CHN1: variants seen among roughly 807,000 people sequenced by gnomAD.
CHN1 encodes the protein chimerin 1.
CHN1 carries 37 observed loss-of-function variants against 59.5 expected under a neutral mutation model. That is an observed-to-expected ratio of 0.62 (90% CI 0.48 to 0.82). The LOEUF is 0.82. CHN1 is among the 40% of genes least tolerant of loss of function. The pLI, the probability that CHN1 is intolerant of heterozygous loss-of-function variation, is 0.00. For missense variants in CHN1, 469 were observed against 571.0 expected (o/e 0.82, Z 1.82); for synonymous variants, 206 against 200.4 (o/e 1.03, Z -0.24).
intron 1 of CHN1, among the ~76,000 whole-genome samples, chr2:174,969,543 T>C (rs1185133821): frequency 6.6e-6 from 1 of 152,184 alleles, no homozygotes; most frequent in African/African-American, 2.4e-5. Flanking sequence ...ATCAGACATA[T>C]AAGACACACT....
At chr2:174,968,999 T>G (rs767524137) in intron 1 of CHN1, among the ~76,000 whole-genome samples, 1 of 152,216 alleles carries the variant, frequency 6.6e-6, no homozygotes, top group South Asian at 2.1e-4. Context: ...TACTAATGTG[T>G]GATTATAGAG....
In CHN1 at chr2:174,974,877, C is replaced by T. The variant is rs1048828319; in HGVS notation, c.20-22675G>A. On this transcript the variant is annotated intron_variant, in intron 1 of 12. Transcript: ENST00000409900. ...ACTTTAAGTTCTGATTTTCTGCAAA[C>T]AGGCCATAAGAAATAATTAATACAC... Among the ~76,000 whole-genome samples, 5 of 145,052 alleles carry T rather than the reference C, an allele frequency of 3.4e-5. No individual in the cohort carries two copies. The Admixed American group carries it at 3.7e-4, about 11-fold the overall frequency.
chr2:174,821,734 A>G, intron 8 of CHN1: 1 of 463,234 alleles, frequency 2.2e-6, no homozygotes, highest in Non-Finnish European at 4.5e-6. Flanking sequence ...CTTACCAGAC[A>G]CTGAACCTGC....
At chr2:174,936,769 T>C (rs1558989042) in intron 3 of CHN1, among the ~76,000 whole-genome samples, 1 of 152,156 alleles carries the variant, frequency 6.6e-6, no homozygotes, top group Non-Finnish European at 1.5e-5. Context: ...TCACTTTACT[T>C]GCTAACTTCA....
At chr2:175,001,091 T>C (rs1430093739) in intron 1 of CHN1, among the ~76,000 whole-genome samples, 2 of 152,194 alleles carry the variant, frequency 1.3e-5, no homozygotes, top group African/African-American at 4.8e-5. Context: ...GACTAAAATA[T>C]TAAGTTTTGA....
chr2:174,866,858 A>C (rs1461081647), intron 6 of CHN1, among the ~76,000 whole-genome samples: 1 of 152,174 alleles, frequency 6.6e-6, no homozygotes, highest in Non-Finnish European at 1.5e-5. Context: ...CTATTCCAAG[A>C]AAAACAATTT....
intron 8 of CHN1, among the ~76,000 whole-genome samples, chr2:174,815,098 C>T (rs1685200989): frequency 6.6e-6 from 1 of 152,072 alleles, no homozygotes; most frequent in Non-Finnish European, 1.5e-5. Context: ...TTTTCTAAGC[C>T]AAGCATAGTG....
In CHN1 at chr2:174,955,780, AAACT is replaced by A. The variant is rs1354519228; in HGVS notation, c.20-3582_20-3579del. Among the ~76,000 whole-genome samples, 11 of 152,324 alleles carry A rather than the reference AAACT, an allele frequency of 7.2e-5. No individual in the cohort carries two copies. In the East Asian group the frequency reaches 2.1e-3, roughly 29 times the overall value. On this transcript the variant is annotated intron_variant, in intron 1 of 12. Transcript: ENST00000409900. The stretch of plus-strand genomic sequence containing the variant: ...GCAGCTGGAGGCCATTATCCTCAAC[AAACT>A]AACACAGGAACAGAAAACCAAATAC...
At chr2:174,975,964 CAA>C (rs76741492) in intron 1 of CHN1, among the ~76,000 whole-genome samples, 63 of 144,790 alleles carry the variant, frequency 4.4e-4, no homozygotes, top group Admixed American at 2.7e-3. Context: ...TGCTAAAATA[CAA>C]AAAAAAAAAA....
chr2:174,999,325 T>C (rs550160876), intron 1 of CHN1, among the ~76,000 whole-genome samples: 1 of 152,268 alleles, frequency 6.6e-6, no homozygotes, highest in South Asian at 2.1e-4. Context: ...ATAAATAAAG[T>C]CTTCTAAAGA....
intron 5 of CHN1, among the ~76,000 whole-genome samples, chr2:174,898,925 GTC>G (rs1431718460): frequency 3.3e-5 from 5 of 152,108 alleles, no homozygotes; most frequent in Non-Finnish European, 5.9e-5. Context: ...GCTTTTGTTT[GTC>G]TGTTACAATG....
chr2:174,957,732 C>G (rs1167717713), intron 1 of CHN1, among the ~76,000 whole-genome samples: 1 of 151,972 alleles, frequency 6.6e-6, no homozygotes, highest in African/African-American at 2.4e-5. Context: ...CTGTGAGGGG[C>G]TAGGAAGGGA....
intron 1 of CHN1, among the ~76,000 whole-genome samples, chr2:174,972,132 G>A (rs370069955): frequency 5.0e-4 from 76 of 152,262 alleles, no homozygotes; most frequent in African/African-American, 1.8e-3. Context: ...GTTCATTCAC[G>A]ATGCTATTAA....
chr2:174,995,043 AGATT>A (rs1379089354), intron 1 of CHN1, among the ~76,000 whole-genome samples: 2 of 152,264 alleles, frequency 1.3e-5, no homozygotes, highest in African/African-American at 4.8e-5. Context: ...GTAAATGTTT[AGATT>A]GATTGAAGGT....
At chr2:174,872,140 A>C (rs543995333) in intron 6 of CHN1, among the ~76,000 whole-genome samples, 17 of 152,200 alleles carry the variant, frequency 1.1e-4, no homozygotes, top group Admixed American at 3.9e-4. Context: ...AAAATTAGCC[A>C]GGTATGGTAA....
rs1574159126 is a variant in CHN1 at position 174,914,939 on chromosome 2, T to C, written c.260+119A>G. On this transcript the variant is annotated intron_variant, in intron 5 of 12. Transcript: ENST00000409900. ...GGTCTCAAAGCTATTAAAATGGTAATTAGATCCCAAGAAAACAAGAACCAA... is the reference window on the plus strand; with the variant it reads ...GGTCTCAAAGCTATTAAAATGGTAACTAGATCCCAAGAAAACAAGAACCAA... 1.8e-5 allele frequency: 10 copies of C among 546,574 alleles called. No individual in the cohort carries two copies. The East Asian group carries it at 3.0e-4, about 16-fold the overall frequency. 33.9% of individuals were successfully genotyped at this position (546,574 alleles called of 1,614,324 possible). A position where few individuals can be genotyped will look rare whatever the true frequency, so the allele number is the denominator to read the frequency against.
chr2:174,963,011 A>G (rs1690467387), intron 1 of CHN1, among the ~76,000 whole-genome samples: 1 of 152,230 alleles, frequency 6.6e-6, no homozygotes, highest in African/African-American at 2.4e-5. Flanking sequence ...GGTTTTCTCC[A>G]TTGCCATGAA....
At chr2:174,870,500 A>T (rs1687374367) in intron 6 of CHN1, among the ~76,000 whole-genome samples, 1 of 152,240 alleles carries the variant, frequency 6.6e-6, no homozygotes, top group Non-Finnish European at 1.5e-5. Context: ...AAAAAAGGAA[A>T]ATACGATGGA....
At chr2:174,821,706 TG>T (rs1297907296) in intron 8 of CHN1, 2 of 457,118 alleles carry the variant, frequency 4.4e-6, no homozygotes, top group Non-Finnish European at 9.1e-6. Flanking sequence ...GGCGCCATCT[TG>T]GAAGCAGAGT....
Sources: gnomAD v4.1 joint callset for allele counts (sites outside exome capture counted in the v4.1 genomes callset) on GRCh38, gnomAD v4.1.1 for gene constraint, MANE v1.5 for transcripts, NCBI Gene and HGNC (gene_info 2026-07-23, HGNC 2026-07-21) for gene names.